The following PPP1R9A variants were observed in gnomAD, a reference collection of about 807,000 sequenced individuals.
The protein encoded by PPP1R9A is neurabin-1.
Under a neutral mutation model 141.9 loss-of-function variants are expected in PPP1R9A, and 59 were observed. The ratio of observed to expected loss-of-function variants is 0.42; its 90% confidence interval spans 0.34 to 0.52. The LOEUF (loss-of-function observed/expected upper bound fraction) is 0.52, where lower values mean the gene tolerates loss of function less well. PPP1R9A is among the 20% of genes least tolerant of loss of function. The pLI is 0.10. For missense variants in PPP1R9A, 1,444 were observed against 1,611.9 expected, an observed-to-expected ratio of 0.90 and a Z score of 1.78; for synonymous variants, 500 against 569.7, an observed-to-expected ratio of 0.88 and a Z score of 1.74.
intron 2 of PPP1R9A, among the ~76,000 whole-genome samples, chr7:95,060,385 G>A (rs542577048): frequency 4.1e-4 from 63 of 152,076 alleles, no homozygotes; most frequent in Non-Finnish European, 6.9e-4. Flanking sequence ...ATGGAACCAG[G>A]GATTAAGGTA....
intron 4 of PPP1R9A, among the ~76,000 whole-genome samples, chr7:95,142,821 G>T (rs948116705): frequency 3.3e-5 from 5 of 151,988 alleles, no homozygotes; most frequent in Non-Finnish European, 7.4e-5. Context: ...AGTTTGTTGG[G>T]TGATACATGT....
At chr7:95,290,053 G>C in intron 19 of PPP1R9A, 38 bp from the exon 20 acceptor site, 1 of 1,606,198 alleles carries the variant, frequency 6.2e-7, no homozygotes, top group Non-Finnish European at 8.5e-7. Flanking sequence ...GGGCTCATTG[G>C]TTTTCAAATT....
chr7:95,279,838 A>G (rs1803837457), intron 16 of PPP1R9A, among the ~76,000 whole-genome samples: 2 of 152,238 alleles, frequency 1.3e-5, no homozygotes, highest in Non-Finnish European at 2.9e-5. Context: ...CCTAAGCAAT[A>G]TATCTGTTAT....
chr7:95,111,092 T>C (rs543994887), intron 2 of PPP1R9A, among the ~76,000 whole-genome samples, 167 bp from the exon 3 acceptor site: 1 of 152,310 alleles, frequency 6.6e-6, no homozygotes, highest in East Asian at 1.9e-4. Context: ...GTAAGTTACT[T>C]TTATACTGAC....
intron 2 of PPP1R9A, among the ~76,000 whole-genome samples, chr7:94,967,144 G>C (rs1337802109): frequency 6.6e-6 from 1 of 152,268 alleles, no homozygotes; most frequent in East Asian, 1.9e-4. Flanking sequence ...TTGTATTTCT[G>C]TGGGAGATCA....
In PPP1R9A at chr7:94,921,463, A is replaced by C. The variant is rs191273076; in HGVS notation, c.1395+9955A>C. On this transcript the variant is annotated intron_variant, in intron 2 of 19. Transcript: ENST00000433360. Reference sequence around the variant, plus strand: ...CTCCGGCTCAAAAAAAAAAAAAAAGATCTGTTTTTGAGTAGTGTTATTTTG... The same window carrying C: ...CTCCGGCTCAAAAAAAAAAAAAAAGCTCTGTTTTTGAGTAGTGTTATTTTG... Among the ~76,000 whole-genome samples, 424 of 149,438 alleles carry C rather than the reference A, an allele frequency of 2.8e-3. 1 individual carries two copies. The highest frequency in any genetic ancestry group is 4.7e-3 in the Non-Finnish European group (317 of 67,248).
chr7:95,041,725 G>A (rs1809277502), intron 2 of PPP1R9A, among the ~76,000 whole-genome samples: 1 of 151,914 alleles, frequency 6.6e-6, no homozygotes, highest in Admixed American at 6.6e-5. Flanking sequence ...TCCTTAAGGA[G>A]TACTATATCA....
At chr7:94,999,744 A>G (rs1353244468) in intron 2 of PPP1R9A, among the ~76,000 whole-genome samples, 1 of 151,996 alleles carries the variant, frequency 6.6e-6, no homozygotes, top group Non-Finnish European at 1.5e-5. Context: ...CAAGAAGAAT[A>G]GCATCACTAC....
chr7:95,097,092 T>C (rs1314054876), intron 2 of PPP1R9A, among the ~76,000 whole-genome samples: 1 of 152,086 alleles, frequency 6.6e-6, no homozygotes, highest in African/African-American at 2.4e-5. Context: ...AGTGGTGCGA[T>C]CTTGTCTTAC....
chr7:95,020,400 G>A (rs1805771441), intron 2 of PPP1R9A, among the ~76,000 whole-genome samples: 1 of 151,978 alleles, frequency 6.6e-6, no homozygotes, highest in Non-Finnish European at 1.5e-5. Flanking sequence ...TTATTTTTTA[G>A]AATATTCAAT....
intron 5 of PPP1R9A, among the ~76,000 whole-genome samples, chr7:95,190,419 T>G (rs1008112171): frequency 6.6e-6 from 1 of 152,232 alleles, no homozygotes; most frequent in Non-Finnish European, 1.5e-5. Flanking sequence ...CCTGCTCTGG[T>G]GGAGTTGGCA....
chr7:95,210,967 G>A (rs1026545508), intron 7 of PPP1R9A, among the ~76,000 whole-genome samples: 3 of 151,964 alleles, frequency 2.0e-5, no homozygotes, highest in African/African-American at 7.3e-5. Context: ...CGGACACAGG[G>A]AGGAGAATAT....
intron 2 of PPP1R9A, among the ~76,000 whole-genome samples, chr7:95,042,278 T>C (rs1006728639): frequency 6.6e-6 from 1 of 152,236 alleles, no homozygotes; most frequent in Non-Finnish European, 1.5e-5. Context: ...TCATGCATCA[T>C]GTGCAGTGCA....
At chr7:94,995,252 G>C (rs1802029868) in intron 2 of PPP1R9A, among the ~76,000 whole-genome samples, 2 of 151,860 alleles carry the variant, frequency 1.3e-5, no homozygotes, top group African/African-American at 4.8e-5. Context: ...TGCTGATTTT[G>C]AGTAATTTGG....
intron 8 of PPP1R9A, among the ~76,000 whole-genome samples, chr7:95,242,595 G>GA (rs34061283): frequency 2.0e-5 from 3 of 150,434 alleles, no homozygotes; most frequent in Non-Finnish European, 3.0e-5. Flanking sequence ...TCATCTTTTT[G>GA]AAAAAAAAAT....
intron 16 of PPP1R9A, among the ~76,000 whole-genome samples, chr7:95,278,541 TC>T (rs1025536577): frequency 2.0e-5 from 3 of 152,286 alleles, no homozygotes; most frequent in East Asian, 3.9e-4. Context: ...AAACAAATCT[TC>T]CTTTAATTTC....
chr7:94,977,220 G>A (rs1235915668), intron 2 of PPP1R9A, among the ~76,000 whole-genome samples: 1 of 152,112 alleles, frequency 6.6e-6, no homozygotes, highest in African/African-American at 2.4e-5. Flanking sequence ...TGTCTGGGTT[G>A]AAGAGAAATT....
chr7:94,962,037 A>G (rs1797701033), intron 2 of PPP1R9A, among the ~76,000 whole-genome samples: 2 of 151,984 alleles, frequency 1.3e-5, no homozygotes, highest in Non-Finnish European at 2.9e-5. Flanking sequence ...TCTGGGATTC[A>G]CTGTACATCA....
At chr7:95,157,296 G>A (rs563044580) in intron 4 of PPP1R9A, among the ~76,000 whole-genome samples, 109 of 152,168 alleles carry the variant, frequency 7.2e-4, no homozygotes, top group Admixed American at 3.1e-3. Context: ...GTCTGCAGCC[G>A]CAATATGGGC....
Sources: gnomAD v4.1 joint callset for allele counts (sites outside exome capture counted in the v4.1 genomes callset) on GRCh38, gnomAD v4.1.1 for gene constraint, MANE v1.5 for transcripts, NCBI Gene and HGNC (gene_info 2026-07-23, HGNC 2026-07-21) for gene names.